Variants in PSD3 observed in about 807,000 individuals in gnomAD.
The protein encoded by PSD3 is PH and SEC7 domain-containing protein 3.
PSD3 carries 49 observed loss-of-function variants against 105.5 expected under a neutral mutation model. That is an observed-to-expected ratio of 0.46 (90% CI 0.37 to 0.59). The LOEUF is 0.59. Ranked by LOEUF, PSD3 falls within the 20% of genes least tolerant of loss-of-function variation. The pLI, the probability that PSD3 is intolerant of heterozygous loss-of-function variation, is 0.00. For synonymous variants in PSD3, 557 were observed against 457.8 expected (o/e 1.22, Z -2.77); for missense variants, 1,561 against 1,263.8 (o/e 1.24, Z -3.57).
chr8:18,708,805 T>C (rs763925018), intron 9 of PSD3, among the ~76,000 whole-genome samples: 52 of 150,756 alleles, frequency 3.4e-4, no homozygotes, highest in Admixed American at 1.3e-3. Flanking sequence ...CTGGGACTAA[T>C]GAGGTGGTTG....
intron 2 of PSD3, among the ~76,000 whole-genome samples, chr8:18,880,578 C>G (rs747179043): frequency 5.9e-5 from 9 of 152,170 alleles, no homozygotes; most frequent in Non-Finnish European, 1.5e-5. Context: ...GCATCTCCCA[C>G]GACACTCTAC....
intron 9 of PSD3, among the ~76,000 whole-genome samples, chr8:18,662,691 T>C (rs112175980): frequency 1.7e-3 from 264 of 152,316 alleles, no homozygotes; most frequent in African/African-American, 6.1e-3. Flanking sequence ...TATTTTACAA[T>C]TCAGCTTGAG....
chr8:18,824,865 A>G (rs750425959), intron 4 of PSD3, among the ~76,000 whole-genome samples: 1 of 152,204 alleles, frequency 6.6e-6, no homozygotes, highest in Non-Finnish European at 1.5e-5. Context: ...GTCCAGCATC[A>G]TCCTTTTAGT....
chr8:18,622,050 C>T (rs890601263), intron 11 of PSD3, among the ~76,000 whole-genome samples: 8 of 152,124 alleles, frequency 5.3e-5, no homozygotes, highest in Non-Finnish European at 8.8e-5. Context: ...GAGTGAACCT[C>T]TCCAACCTTG....
chr8:19,045,221 AAAAAG>A (rs1828276093), intron 1 of PSD3, among the ~76,000 whole-genome samples: 2 of 152,090 alleles, frequency 1.3e-5, no homozygotes, highest in South Asian at 4.1e-4. Flanking sequence ...AAAGAAAAAG[AAAAAG>A]AAAAGTAAAA....
intron 1 of PSD3, among the ~76,000 whole-genome samples, chr8:19,050,644 C>T (rs1828496275): frequency 6.6e-6 from 1 of 152,020 alleles, no homozygotes; most frequent in Admixed American, 6.5e-5. Flanking sequence ...AATGAGAACA[C>T]ATGGACACAG....
At chr8:18,868,093 A>T in intron 3 of PSD3, 24 bp from the exon 4 acceptor site, 1 of 1,560,430 alleles carries the variant, frequency 6.4e-7, no homozygotes, top group Non-Finnish European at 8.7e-7. Flanking sequence ...AAGAGTGAAG[A>T]ATTCCAATAT....
At chr8:18,842,198 C>A (rs1210848754) in intron 4 of PSD3, among the ~76,000 whole-genome samples, 2 of 152,248 alleles carry the variant, frequency 1.3e-5, no homozygotes, top group African/African-American at 2.4e-5. Flanking sequence ...ACAGCCAGAG[C>A]AGCTTAGACC....
intron 9 of PSD3, among the ~76,000 whole-genome samples, chr8:18,724,622 A>G (rs998689880): frequency 2.0e-5 from 3 of 151,964 alleles, no homozygotes; most frequent in Non-Finnish European, 4.4e-5. Context: ...TAAAAAAAAT[A>G]AATAAAAATA....
rs572182738 is a variant in PSD3, at chr8:18,801,524, T to C, written c.1911-142A>G. On this transcript the variant is annotated intron_variant, in intron 6 of 15. Transcript: ENST00000327040. ...ATGAAGTTATCTCCCCCCAAAAAAA[T>C]CATTTACTAGACAGCCATTCAATAT... 5.3e-6 allele frequency: 3 copies of C among 565,026 alleles called. No homozygotes were observed. In the South Asian group the frequency reaches 7.5e-5, roughly 14 times the overall value. The allele number at this position is 565,026 out of a possible 1,614,324, so 35.0% of individuals were successfully genotyped here. A position where few individuals can be genotyped will look rare whatever the true frequency, so the allele number is the denominator to read the frequency against.
chr8:18,802,130 T>G, intron 6 of PSD3: 1 of 209,806 alleles, frequency 4.8e-6, no homozygotes, highest in South Asian at 7.7e-5. Flanking sequence ...CTGTTAATTG[T>G]GTCTGTTATC....
chr8:18,949,244 A>AAAAAAAT (rs1345423514), intron 1 of PSD3, among the ~76,000 whole-genome samples: 7 of 14,408 alleles, frequency 4.9e-4, no homozygotes, highest in East Asian at 1.8e-3. Flanking sequence ...AAAAAAAAAA[A>AAAAAAAT]ATATATATAT....
In PSD3 at chr8:18,730,437, C is replaced by A. The variant is rs1199837472; in HGVS notation, c.2172+35012G>T. ...TGTCATTGTGGAGGAAATACAAAAA[C>A]CCTTTATATATAAATATTAATGAGA... On this transcript the variant is annotated intron_variant, in intron 9 of 15. Coordinates refer to ENST00000327040, the MANE Select transcript of PSD3 (RefSeq NM_015310.4). 2.0e-5 allele frequency: 3 copies of A among 152,286 alleles called. No individual in the cohort carries two copies. In the South Asian group the frequency reaches 6.2e-4, roughly 32 times the overall value. The allele number at this position is 152,286 out of a possible 1,614,324, so 9.4% of individuals were successfully genotyped here.
chr8:18,991,541 G>GT (rs1257742785), intron 1 of PSD3, among the ~76,000 whole-genome samples: 2 of 152,060 alleles, frequency 1.3e-5, no homozygotes, highest in Non-Finnish European at 2.9e-5. Flanking sequence ...TCCAAAATTG[G>GT]TAATACCTGT....
At chr8:18,864,124 T>C (rs140364221) in intron 4 of PSD3, among the ~76,000 whole-genome samples, 231 of 152,236 alleles carry the variant, frequency 1.5e-3, no homozygotes, top group Middle Eastern at 6.8e-3. Context: ...GCAAAGCAAA[T>C]ACATTTTTGT....
chr8:18,574,101 A>C lies in PSD3; in HGVS notation c.2639+1027T>G, dbSNP rs1331816732. 3.3e-5 allele frequency among the ~76,000 whole-genome samples: 5 copies of C among 152,332 alleles called. No individual in the cohort carries two copies. In the East Asian group the frequency reaches 9.6e-4, roughly 29 times the overall value. On this transcript the variant is annotated intron_variant, in intron 13 of 15. Coordinates refer to ENST00000327040, the MANE Select transcript of PSD3 (RefSeq NM_015310.4). ...TTGCAAACTCATAAATGAATGGTAG[A>C]AATGATCATGAATCAGGACAGATTA...
At chr8:18,593,309 T>C (rs1803750042) in intron 12 of PSD3, among the ~76,000 whole-genome samples, 1 of 152,020 alleles carries the variant, frequency 6.6e-6, no homozygotes, top group African/African-American at 2.4e-5. Context: ...AAAGAGTGGG[T>C]GAAGGATATG....
At chr8:18,650,987 T>G (rs538289811) in intron 10 of PSD3, among the ~76,000 whole-genome samples, 2 of 152,336 alleles carry the variant, frequency 1.3e-5, no homozygotes, top group South Asian at 4.1e-4. Context: ...TGATGAACAC[T>G]TCTTGACTTA....
chr8:19,071,831 T>C (rs576024338), intron 1 of PSD3, among the ~76,000 whole-genome samples: 132 of 152,162 alleles, frequency 8.7e-4, no homozygotes, highest in South Asian at 1.9e-3. Flanking sequence ...TGCCTCACCC[T>C]CCCGAGTATC....
Sources: gnomAD v4.1 joint callset for allele counts (sites outside exome capture counted in the v4.1 genomes callset) on GRCh38, gnomAD v4.1.1 for gene constraint, MANE v1.5 for transcripts, NCBI Gene and HGNC (gene_info 2026-07-23, HGNC 2026-07-21) for gene names.